Variants in EIF4G3 observed in about 807,000 individuals in gnomAD.
EIF4G3 encodes the protein eukaryotic translation initiation factor 4 gamma 3.
Under a neutral mutation model 186.4 loss-of-function variants are expected in EIF4G3, and 34 were observed. The ratio of observed to expected loss-of-function variants is 0.18; its 90% CI spans 0.14 to 0.24. EIF4G3 has a LOEUF of 0.24. Ranked by LOEUF, EIF4G3 falls within the 10% of genes least tolerant of loss-of-function variation. EIF4G3 has a pLI of 1.00. For missense variants in EIF4G3, 1,536 were observed against 1,948.5 expected, an observed-to-expected ratio of 0.79 and a Z score of 3.99; for synonymous variants, 673 against 679.5, an observed-to-expected ratio of 0.99 and a Z score of 0.15.
At position 21,133,322 on chromosome 1, in the gene EIF4G3, T is replaced by A. The variant is rs563096915; in HGVS notation, c.-272+42853A>T. Among the ~76,000 whole-genome samples the A allele has an allele frequency of 3.3e-5, 5 of 152,234 alleles. No individual in the cohort carries two copies. In the South Asian group the frequency reaches 1.0e-3, roughly 32 times the overall value. On this transcript the variant is annotated intron_variant, in intron 2 of 36. Transcript: ENST00000602326. The stretch of plus-strand genomic sequence containing the variant: ...TCACTGCAACCTCTGCCTCCCAGGT[T>A]CCAGCAATTCTACTGCCTCAGCCTC...
intron 14 of EIF4G3, among the ~76,000 whole-genome samples, chr1:20,925,940 G>A (rs552989681): frequency 5.0e-4 from 76 of 152,248 alleles, no homozygotes; most frequent in African/African-American, 1.8e-3. Context: ...TAATGAACTG[G>A]GAAAGATACA....
intron 29 of EIF4G3, chr1:20,847,888 T>C (rs569809266): frequency 8.5e-6 from 4 of 469,500 alleles, no homozygotes; most frequent in East Asian, 7.0e-5. Context: ...CTTTAGAAGA[T>C]TGAACTATAG....
intron 2 of EIF4G3, among the ~76,000 whole-genome samples, chr1:21,107,251 G>T (rs867341170): frequency 6.6e-6 from 1 of 151,976 alleles, no homozygotes; most frequent in African/African-American, 2.4e-5. Flanking sequence ...ATCTTGGCTC[G>T]CTGCAACCTC....
intron 2 of EIF4G3, among the ~76,000 whole-genome samples, chr1:21,137,444 A>G (rs1017151743): frequency 6.6e-6 from 1 of 152,082 alleles, no homozygotes; most frequent in African/African-American, 2.4e-5. Context: ...CTGGTCTCAA[A>G]TTATATACTG....
intron 14 of EIF4G3, among the ~76,000 whole-genome samples, chr1:20,928,662 G>A (rs2154560862): frequency 6.6e-6 from 1 of 152,202 alleles, no homozygotes; most frequent in African/African-American, 2.4e-5. Context: ...GCCTCCCAAA[G>A]TGCTGGGATT....
At chr1:21,130,390 A>G (rs2097132331) in intron 2 of EIF4G3, among the ~76,000 whole-genome samples, 1 of 151,562 alleles carries the variant, frequency 6.6e-6, no homozygotes, top group Non-Finnish European at 1.5e-5. Context: ...ACACTCAGCT[A>G]ATTTTTTTGT....
chr1:21,029,299 C>A (rs1416851858), intron 4 of EIF4G3, among the ~76,000 whole-genome samples: 1 of 152,066 alleles, frequency 6.6e-6, no homozygotes, highest in Non-Finnish European at 1.5e-5. Context: ...GAATTACAGG[C>A]ATGAGCCACC....
rs151106562 is a variant in EIF4G3, at chr1:21,009,130, A to C, written c.-66-6322T>G. 3.5e-4 allele frequency among the ~76,000 whole-genome samples: 53 copies of C among 152,286 alleles called. No individual in the cohort carries two copies. The East Asian group carries it at 0.01, about 29-fold the overall frequency. ...TACAAGTTCTTAATTTTGCTTTAAA[A>C]TTTCTCTTTATAAACTTCTCTTTAT... On this transcript the variant is annotated intron_variant, in intron 4 of 36. Transcript: ENST00000602326.
At chr1:21,045,405 T>C (rs893393079) in intron 4 of EIF4G3, among the ~76,000 whole-genome samples, 1 of 152,212 alleles carries the variant, frequency 6.6e-6, no homozygotes, top group Admixed American at 6.5e-5. Flanking sequence ...CAGTGGATCA[T>C]ATACCATCAC....
chr1:21,077,925 G>A (rs1411961028), intron 3 of EIF4G3, among the ~76,000 whole-genome samples: 1 of 150,322 alleles, frequency 6.7e-6, no homozygotes, highest in Non-Finnish European at 1.5e-5. Context: ...CGAGAAAGCA[G>A]AGAAAGGAGA....
At chr1:20,814,166 A>C (rs2059878278) in intron 34 of EIF4G3, among the ~76,000 whole-genome samples, 1 of 151,702 alleles carries the variant, frequency 6.6e-6, no homozygotes, top group African/African-American at 2.4e-5. Context: ...ATGGGGTTTC[A>C]CTATGTTGGC....
At position 20,941,228 on chromosome 1, in the gene EIF4G3, A is replaced by G. The variant is rs1200796383; in HGVS notation, c.1663+263T>C. On this transcript the variant is annotated intron_variant, in intron 14 of 36. Coordinates refer to ENST00000602326, the MANE Select transcript of EIF4G3 (RefSeq NM_001391906.1). Reference sequence around the variant, plus strand: ...ATGAGGCAATAGCAACAACAACAACAACAAAACCCAACATGTTTCGTGACA... The same window carrying G: ...ATGAGGCAATAGCAACAACAACAACGACAAAACCCAACATGTTTCGTGACA... 4 of 1,532,338 alleles carry G rather than the reference A, an allele frequency of 2.6e-6. No individual in the cohort carries two copies. In the Admixed American group the frequency reaches 8.4e-5, roughly 32 times the overall value. The allele number at this position is 1,532,338 out of a possible 1,614,324, so 94.9% of individuals were successfully genotyped here. A position where few individuals can be genotyped will look rare whatever the true frequency, so the allele number is the denominator to read the frequency against.
Position 21,017,520 on chromosome 1 carries a change from C to T in EIF4G3, c.-66-14712G>A, listed in dbSNP as rs1380979879. On this transcript the variant is annotated intron_variant, in intron 4 of 36. Coordinates refer to ENST00000602326, the MANE Select transcript of EIF4G3 (RefSeq NM_001391906.1). ...GCGGGCACCTGTAGTTCCAGCTACT[C>T]GGGAGGCTGAGGCAGGAGAATGGCG... Among the ~76,000 whole-genome samples, 8 of 147,600 alleles carry T rather than the reference C, an allele frequency of 5.4e-5. No individual in the cohort carries two copies. The South Asian group carries it at 8.9e-4, about 16-fold the overall frequency.
intron 4 of EIF4G3, among the ~76,000 whole-genome samples, chr1:21,011,549 C>T (rs2087096141): frequency 6.6e-6 from 1 of 152,124 alleles, no homozygotes; most frequent in African/African-American, 2.4e-5. Flanking sequence ...ATATTTAGTT[C>T]TATGCAATTT....
intron 3 of EIF4G3, among the ~76,000 whole-genome samples, chr1:21,079,903 G>A (rs965519135): frequency 6.6e-6 from 1 of 151,454 alleles, no homozygotes; most frequent in East Asian, 1.9e-4. Flanking sequence ...TGTAATCCCA[G>A]CACTTTGGGA....
rs12145308 is a variant in EIF4G3, at chr1:20,981,678, G to A, written c.199-451C>T. Among the ~76,000 whole-genome samples the A allele has an allele frequency of 2.1e-3, 114 of 54,878 alleles. 9 individuals carry two copies. The highest frequency in any genetic ancestry group is 3.0e-3 in the East Asian group (5 of 1,680). The allele number at this position is 54,878 out of a possible 152,430, so 36.0% of individuals were successfully genotyped here. On this transcript the variant is annotated intron_variant, in intron 8 of 36. Transcript: ENST00000602326. ...ATACATGTATACGCACATACTGTAT[G>A]TATACATACATGTATACGCACATAC... is the stretch of plus-strand genomic sequence containing the variant.
chr1:21,049,203 G>T (rs2094072445), intron 4 of EIF4G3, among the ~76,000 whole-genome samples: 1 of 152,188 alleles, frequency 6.6e-6, no homozygotes, highest in South Asian at 2.1e-4. Context: ...CACATTTCCA[G>T]CAAGTTCCAG....
intron 34 of EIF4G3, among the ~76,000 whole-genome samples, chr1:20,815,279 G>A (rs1479994403): frequency 4.4e-5 from 4 of 90,966 alleles, no homozygotes; most frequent in African/African-American, 1.6e-4. Flanking sequence ...CTGCCTGGCT[G>A]CCCAGTCTGG....
intron 4 of EIF4G3, among the ~76,000 whole-genome samples, chr1:21,016,680 G>A (rs745774413): frequency 6.7e-6 from 1 of 150,088 alleles, no homozygotes; most frequent in African/African-American, 2.5e-5. Flanking sequence ...ATAAAAGGAC[G>A]GGCACGGTGG....
Sources: gnomAD v4.1 joint callset for allele counts (sites outside exome capture counted in the v4.1 genomes callset) on GRCh38, gnomAD v4.1.1 for gene constraint, MANE v1.5 for transcripts, NCBI Gene and HGNC (gene_info 2026-07-23, HGNC 2026-07-21) for gene names.